Variants in HYCC1 observed in about 807,000 individuals in gnomAD.
HYCC1 encodes hyccin PI4KA lipid kinase complex subunit 1.
At chr7:22,932,281 G>A in the HYCC1 span, among the ~76,000 whole-genome samples, 1 of 152,126 alleles carries the variant, frequency 6.6e-6, no homozygotes, top group Non-Finnish European at 1.5e-5. Context: ...ACTAAAAGGG[G>A]TAAAGATGGG....
chr7:22,989,289 C>T, the HYCC1 span, among the ~76,000 whole-genome samples: 48 of 21,208 alleles, frequency 2.3e-3, no homozygotes, highest in Non-Finnish European at 4.1e-3. Context: ...GCAGGAAACA[C>T]ACACACACAC....
At chr7:22,954,911 T>A in the HYCC1 span, among the ~76,000 whole-genome samples, 1 of 151,552 alleles carries the variant, frequency 6.6e-6, no homozygotes, top group Non-Finnish European at 1.5e-5. Context: ...CCTTTTATTA[T>A]TGATACCTAC....
chr7:22,909,505 T>C, the HYCC1 span, among the ~76,000 whole-genome samples: 1 of 152,318 alleles, frequency 6.6e-6, no homozygotes, highest in East Asian at 1.9e-4. Flanking sequence ...ACTCCACGCA[T>C]GTCTTCTACA....
At chr7:22,978,693 T>A in the HYCC1 span, among the ~76,000 whole-genome samples, 2 of 152,112 alleles carry the variant, frequency 1.3e-5, no homozygotes, top group Non-Finnish European at 2.9e-5. Flanking sequence ...TACTGTCCTA[T>A]CTCCCGCCTC....
chr7:22,973,606 G>A, the HYCC1 span, among the ~76,000 whole-genome samples: 11 of 151,816 alleles, frequency 7.2e-5, no homozygotes, highest in Non-Finnish European at 1.6e-4. Context: ...TTCACAGCTG[G>A]TGGACATTTA....
the HYCC1 span, among the ~76,000 whole-genome samples, chr7:22,904,427 T>A: frequency 1.1e-5 from 1 of 87,232 alleles, no homozygotes; most frequent in African/African-American, 4.2e-5. Context: ...CGAGACTCTG[T>A]CTCAAAAAAA....
the HYCC1 span, among the ~76,000 whole-genome samples, chr7:22,903,150 G>A: frequency 1.7e-4 from 26 of 152,134 alleles, no homozygotes; most frequent in Admixed American, 1.7e-3. Context: ...AGCCACTGTG[G>A]AAAACAGTTC....
chr7:22,926,236 T>A, the HYCC1 span, among the ~76,000 whole-genome samples: 9 of 151,984 alleles, frequency 5.9e-5, no homozygotes, highest in African/African-American at 2.2e-4. Context: ...ACATGCCAAA[T>A]TGTAAAGACC....
chr7:22,923,486 T>C, the HYCC1 span, among the ~76,000 whole-genome samples: 1 of 152,054 alleles, frequency 6.6e-6, no homozygotes, highest in African/African-American at 2.4e-5. Context: ...TAATCTTCCA[T>C]ATTAAGTACA....
At chr7:22,998,680 T>C in the HYCC1 span, among the ~76,000 whole-genome samples, 228 of 152,212 alleles carry the variant, frequency 1.5e-3, no homozygotes, top group Non-Finnish European at 2.6e-3. Flanking sequence ...AGCAACGCCC[T>C]GAGTCTGGGC....
At chr7:22,974,648 A>G in the HYCC1 span, among the ~76,000 whole-genome samples, 1 of 152,168 alleles carries the variant, frequency 6.6e-6, no homozygotes, top group Non-Finnish European at 1.5e-5. Flanking sequence ...TATCCTATTC[A>G]GTATCAAGTT....
chr7:23,014,073 C>T, the HYCC1 span: 1 of 470,556 alleles, frequency 2.1e-6, no homozygotes, highest in Non-Finnish European at 4.4e-6. Context: ...CCATCTTCCC[C>T]CTCCTCTCAC....
chr7:22,965,292 C>T, the HYCC1 span, among the ~76,000 whole-genome samples: 1 of 151,882 alleles, frequency 6.6e-6, no homozygotes, highest in Admixed American at 6.6e-5. Flanking sequence ...ATGCAGTATA[C>T]CATAATAAAC....
At chr7:22,999,404 T>C in the HYCC1 span, among the ~76,000 whole-genome samples, 3 of 152,182 alleles carry the variant, frequency 2.0e-5, no homozygotes, top group Admixed American at 2.0e-4. Flanking sequence ...ATACAAATGA[T>C]AAAGTTTATG....
the HYCC1 span, among the ~76,000 whole-genome samples, chr7:22,919,776 T>G: frequency 6.6e-6 from 1 of 151,018 alleles, no homozygotes; most frequent in South Asian, 2.1e-4. Context: ...AAAAACAGAA[T>G]GAAGAAAAAT....
chr7:22,937,684 G>A, the HYCC1 span: 1 of 152,216 alleles, frequency 6.6e-6, no homozygotes, highest in South Asian at 2.1e-4. Flanking sequence ...ATTCTATCTA[G>A]TAAAACAAAT....
At chr7:22,918,981 C>G in the HYCC1 span, among the ~76,000 whole-genome samples, 2 of 152,132 alleles carry the variant, frequency 1.3e-5, no homozygotes, top group African/African-American at 4.8e-5. Flanking sequence ...AAAACACACT[C>G]AAGCCAATAA....
chr7:22,933,422 A>C, the HYCC1 span, among the ~76,000 whole-genome samples: 1 of 151,992 alleles, frequency 6.6e-6, no homozygotes, highest in Admixed American at 6.6e-5. Context: ...ATTTCTCTTT[A>C]TCTCTAATAA....
chr7:22,897,576 T>C, the HYCC1 span, among the ~76,000 whole-genome samples: 2 of 152,208 alleles, frequency 1.3e-5, no homozygotes, highest in Admixed American at 6.5e-5. Flanking sequence ...TGCAGGTAGC[T>C]TGACATTGTG....
Sources: gnomAD v4.1 joint callset for allele counts (sites outside exome capture counted in the v4.1 genomes callset) on GRCh38, gnomAD v4.1.1 for gene constraint, MANE v1.5 for transcripts, NCBI Gene and HGNC (gene_info 2026-07-23, HGNC 2026-07-21) for gene names.